GAREM1: variants seen among roughly 807,000 people sequenced by gnomAD.
GAREM1 encodes the protein GRB2 associated regulator of MAPK1 subtype 1.
GAREM1 carries 26 observed loss-of-function variants against 71.3 expected under a neutral mutation model. That is an observed-to-expected ratio of 0.36 (90% CI 0.27 to 0.51). GAREM1 has a LOEUF of 0.51. Among genes scored for constraint, GAREM1 ranks in the 20% least tolerant of loss-of-function variants. GAREM1 has a pLI of 0.95. For missense variants in GAREM1, 1,026 were observed against 1,103.1 expected (o/e 0.93, Z 0.99); for synonymous variants, 440 against 433.2 (o/e 1.02, Z -0.20).
chr18:32,348,594 C>A (rs914173359), intron 2 of GAREM1, among the ~76,000 whole-genome samples: 1 of 152,000 alleles, frequency 6.6e-6, no homozygotes, highest in African/African-American at 2.4e-5. Context: ...CGTGGTGGTG[C>A]GTGCTTGTAA....
At chr18:32,446,182 C>A (rs1166708669) in intron 1 of GAREM1, among the ~76,000 whole-genome samples, 1 of 151,686 alleles carries the variant, frequency 6.6e-6, no homozygotes, top group Non-Finnish European at 1.5e-5. Flanking sequence ...TAAATGGCTA[C>A]CAAAATAGTC....
chr18:32,345,091 A>AAAC (rs1007719418), intron 2 of GAREM1, among the ~76,000 whole-genome samples: 9 of 152,110 alleles, frequency 5.9e-5, no homozygotes, highest in East Asian at 1.9e-4. Flanking sequence ...ACCAAAAACC[A>AAAC]AACAACAACA....
intron 2 of GAREM1, among the ~76,000 whole-genome samples, chr18:32,320,232 C>A (rs568747461): frequency 3.9e-5 from 6 of 152,216 alleles, no homozygotes; most frequent in Admixed American, 2.6e-4. Flanking sequence ...TTGTGTTCTT[C>A]TTATTATAAA....
At position 32,279,106 on chromosome 18, in the gene GAREM1, T is replaced by G. The variant is rs562531292; in HGVS notation, c.1566+7925A>C. Among the ~76,000 whole-genome samples, 14 of 152,366 alleles carry G rather than the reference T, an allele frequency of 9.2e-5. 1 individual carries two copies. In the South Asian group the frequency reaches 2.9e-3, roughly 32 times the overall value. On this transcript the variant is annotated intron_variant, in intron 4 of 5. Transcript: ENST00000269209. ...TGAGGAGTAGAATAAAGATCTTTCC[T>G]GAGCAAGGAGTGTACGTGATAAATA...
intron 1 of GAREM1, among the ~76,000 whole-genome samples, chr18:32,462,002 A>C (rs920773770): frequency 1.3e-5 from 2 of 152,242 alleles, no homozygotes; most frequent in Non-Finnish European, 2.9e-5. Context: ...CTCCCTCTTT[A>C]AACTATAATG....
chr18:32,379,037 C>T (rs1033215343), intron 2 of GAREM1, among the ~76,000 whole-genome samples: 2 of 152,112 alleles, frequency 1.3e-5, no homozygotes, highest in Non-Finnish European at 2.9e-5. Flanking sequence ...TCCAACTGGG[C>T]GGCTCTGGGT....
chr18:32,310,038 C>T (rs557721411), intron 3 of GAREM1, among the ~76,000 whole-genome samples, 155 bp downstream of exon 3: 76 of 152,318 alleles, frequency 5.0e-4, no homozygotes, highest in African/African-American at 1.7e-3. Context: ...GGAGTCAGGT[C>T]AGCTACAATA....
intron 1 of GAREM1, among the ~76,000 whole-genome samples, chr18:32,453,860 A>G (rs568832807): frequency 6.6e-6 from 1 of 152,240 alleles, no homozygotes; most frequent in South Asian, 2.1e-4. Flanking sequence ...ACAAGGCTCT[A>G]TTGAACACCT....
At chr18:32,312,350 T>C (rs2047332957) in intron 2 of GAREM1, among the ~76,000 whole-genome samples, 1 of 152,144 alleles carries the variant, frequency 6.6e-6, no homozygotes, top group South Asian at 2.1e-4. Flanking sequence ...CCAAGAGGGA[T>C]GCATCCAAGA....
rs982490763 is a variant in GAREM1, at chr18:32,470,207, G to A, written c.121+101C>T. On this transcript the variant is annotated intron_variant, in intron 1 of 5. Transcript: ENST00000269209. This position sits in a 1 kb window ranked among gnomAD's most constrained non-coding sequence, Gnocchi z 4.4. ...CAACTCCGGCGCTCAGGGGCGGGCA[G>A]CCCACTCCCCGCGGGTCCCACCCTC... 9.3e-5 allele frequency: 118 copies of A among 1,275,228 alleles called. No individual in the cohort carries two copies. Among genetic ancestry groups the A allele is most frequent in the Non-Finnish European group, 1.1e-4 (112 of 1,003,138 alleles). The allele number at this position is 1,275,228 out of a possible 1,614,324, so 79.0% of individuals were successfully genotyped here.
chr18:32,285,041 G>A (rs1471628133), intron 4 of GAREM1, among the ~76,000 whole-genome samples: 1 of 151,720 alleles, frequency 6.6e-6, no homozygotes, highest in African/African-American at 2.4e-5. Flanking sequence ...GAGCCACTGC[G>A]CCTGGCCCGC....
At chr18:32,326,848 G>C (rs184697388) in intron 2 of GAREM1, among the ~76,000 whole-genome samples, 1 of 152,322 alleles carries the variant, frequency 6.6e-6, no homozygotes, top group East Asian at 1.9e-4. Flanking sequence ...TAAACAGGCT[G>C]CGGTGCAAGG....
chr18:32,330,445 G>A (rs1224346163), intron 2 of GAREM1, among the ~76,000 whole-genome samples: 2 of 152,010 alleles, frequency 1.3e-5, no homozygotes, highest in South Asian at 2.1e-4. Context: ...TATCACAAAC[G>A]TCAGCATCAT....
intron 1 of GAREM1, among the ~76,000 whole-genome samples, chr18:32,423,730 G>C (rs2048544232): frequency 6.6e-6 from 1 of 152,136 alleles, no homozygotes. Context: ...GGAGCATTAA[G>C]GATCATCTAA....
Position 32,271,850 on chromosome 18 carries a change from G to A in GAREM1, c.1567-1467C>T, listed in dbSNP as rs181946561. On this transcript the variant is annotated intron_variant, in intron 4 of 5. Coordinates refer to ENST00000269209, the MANE Select transcript of GAREM1 (RefSeq NM_001242409.2). ...GGCATTTCAGAATATAATTACTAATGAAGTGACATTTTTCATGTACTTCTA... is the reference window on the plus strand; with the variant it reads ...GGCATTTCAGAATATAATTACTAATAAAGTGACATTTTTCATGTACTTCTA... Among the ~76,000 whole-genome samples the A allele has an allele frequency of 2.6e-5, 4 of 152,222 alleles. No homozygotes were observed. In the East Asian group the frequency reaches 5.8e-4, roughly 22 times the overall value.
At chr18:32,288,344 CT>C in intron 3 of GAREM1, 141 bp from the exon 4 acceptor site, 1 of 619,648 alleles carries the variant, frequency 1.6e-6, no homozygotes, top group Non-Finnish European at 2.7e-6. Context: ...CACCTCATTT[CT>C]TTTATTATAC....
intron 2 of GAREM1, among the ~76,000 whole-genome samples, chr18:32,359,696 G>A (rs2421455): frequency 0.1 from 15,733 of 152,066 alleles, 1,451 homozygotes; most frequent in African/African-American, 0.25. Flanking sequence ...GCACTTTGGG[G>A]GGCTGAGGCG....
At chr18:32,380,165 G>C (rs984605326) in intron 2 of GAREM1, among the ~76,000 whole-genome samples, 3 of 152,124 alleles carry the variant, frequency 2.0e-5, no homozygotes, top group African/African-American at 7.2e-5. Context: ...TCTGAGCAAT[G>C]ACTGGTTATG....
rs74744397 is a variant in GAREM1, at chr18:32,296,662, G to A, written c.394-8459C>T. Among the ~76,000 whole-genome samples the A allele has an allele frequency of 1.9e-3, 286 of 150,462 alleles. 9 individuals are homozygous for A. The East Asian group carries it at 0.045, about 23-fold the overall frequency. On this transcript the variant is annotated intron_variant, in intron 3 of 5. Transcript: ENST00000269209. ...AGGGCTTTCTTTTTCCATAGGACTT[G>A]TAGTTTCAAGTTTTCAGTTATTATT...
Sources: gnomAD v4.1 joint callset for allele counts (sites outside exome capture counted in the v4.1 genomes callset) on GRCh38, gnomAD v4.1.1 for gene constraint, Gnocchi (gnomAD v3.1) non-coding constraint, MANE v1.5 for transcripts, NCBI Gene and HGNC (gene_info 2026-07-23, HGNC 2026-07-21) for gene names.